Variants in ADGRL3 observed in about 807,000 individuals in gnomAD.
ADGRL3 encodes calcium-independent alpha-latrotoxin receptor 3.
A neutral mutation model predicts 153.5 loss-of-function variants in ADGRL3; 62 were observed. The observed-to-expected ratio is 0.40, with a 90% CI of 0.33 to 0.50. The LOEUF (loss-of-function observed/expected upper bound fraction) is 0.50, where lower values mean the gene tolerates loss of function less well. ADGRL3 is among the 20% of genes least tolerant of loss of function. The probability of loss-of-function intolerance (pLI) is 0.47; values close to 1 mark genes in which losing one functional copy is unlikely to be tolerated. For synonymous variants in ADGRL3, 710 were observed against 672.5 expected (o/e 1.06, Z -0.86); for missense variants, 1,641 against 1,859.4 (o/e 0.88, Z 2.16).
chr4:61,791,547 G>T (rs961526366), intron 8 of ADGRL3, among the ~76,000 whole-genome samples: 3 of 152,178 alleles, frequency 2.0e-5, no homozygotes, highest in Non-Finnish European at 2.9e-5. Context: ...CAGGTGCATG[G>T]TGCAAGATGT....
intron 4 of ADGRL3, among the ~76,000 whole-genome samples, chr4:61,531,310 C>A (rs556446219): frequency 6.6e-6 from 1 of 152,278 alleles, no homozygotes; most frequent in East Asian, 1.9e-4. Flanking sequence ...TTCGCCTAGT[C>A]TAACTTGCAT....
intron 15 of ADGRL3, among the ~76,000 whole-genome samples, chr4:61,939,287 G>A (rs2098860651): frequency 6.6e-6 from 1 of 152,124 alleles, no homozygotes; most frequent in Admixed American, 6.6e-5. Context: ...GCTTGAGGAA[G>A]CATTTAGCTT....
intron 5 of ADGRL3, among the ~76,000 whole-genome samples, chr4:61,669,113 A>G (rs1215436903): frequency 2.6e-5 from 4 of 152,192 alleles, no homozygotes; most frequent in Non-Finnish European, 5.9e-5. Flanking sequence ...ACGTCATTAA[A>G]CTTTTTAATA....
intron 25 of ADGRL3, among the ~76,000 whole-genome samples, chr4:62,065,167 G>A (rs1195766983): frequency 3.3e-5 from 5 of 151,946 alleles, no homozygotes; most frequent in Non-Finnish European, 2.9e-5. Context: ...GGTCTTTAGA[G>A]CAAAGAAGAG....
intron 2 of ADGRL3, among the ~76,000 whole-genome samples, chr4:61,473,752 A>G (rs545121155): frequency 1.3e-5 from 2 of 152,126 alleles, no homozygotes; most frequent in Non-Finnish European, 2.9e-5. Context: ...GCTTACTTCT[A>G]TCTGTGGGGC....
intron 25 of ADGRL3, among the ~76,000 whole-genome samples, chr4:62,066,404 A>ATG (rs1481448447): frequency 2.6e-5 from 4 of 152,058 alleles, no homozygotes; most frequent in Admixed American, 1.3e-4. Context: ...TATTTAAAAT[A>ATG]TGTAAAGATG....
chr4:61,349,842 T>C (rs1284033398), intron 1 of ADGRL3, among the ~76,000 whole-genome samples: 1 of 152,162 alleles, frequency 6.6e-6, no homozygotes, highest in African/African-American at 2.4e-5. Context: ...AAAATATTTG[T>C]TAAATGAATC....
At chr4:61,369,328 T>C (rs1196583900) in intron 1 of ADGRL3, among the ~76,000 whole-genome samples, 2 of 152,188 alleles carry the variant, frequency 1.3e-5, no homozygotes, top group Non-Finnish European at 1.5e-5. Flanking sequence ...GGGAATGCTT[T>C]CAGTTTTTGC....
intron 4 of ADGRL3, among the ~76,000 whole-genome samples, chr4:61,556,003 A>ATCTAAG (rs1431942348): frequency 6.6e-6 from 1 of 152,100 alleles, no homozygotes; most frequent in Non-Finnish European, 1.5e-5. Flanking sequence ...CTGTCCTCTT[A>ATCTAAG]TCTCATCCTG....
At chr4:62,042,744 A>G (rs1356561471) in intron 24 of ADGRL3, among the ~76,000 whole-genome samples, 3 of 152,104 alleles carry the variant, frequency 2.0e-5, no homozygotes, top group African/African-American at 7.2e-5. Flanking sequence ...AAATGGTATA[A>G]TTGGTAAAAA....
At chr4:62,036,645 C>A (rs1232788447) in intron 23 of ADGRL3, among the ~76,000 whole-genome samples, 1 of 151,918 alleles carries the variant, frequency 6.6e-6, no homozygotes, top group East Asian at 1.9e-4. Flanking sequence ...CTTTTTAAAG[C>A]ACATGTTCAA....
At chr4:61,278,237 G>T (rs2093567201) in intron 1 of ADGRL3, among the ~76,000 whole-genome samples, 1 of 152,014 alleles carries the variant, frequency 6.6e-6, no homozygotes, top group African/African-American at 2.4e-5. Flanking sequence ...CCTTTCATCT[G>T]CCCTTTCTCT....
At chr4:61,843,246 A>G (rs1253075259) in intron 9 of ADGRL3, among the ~76,000 whole-genome samples, 1 of 152,198 alleles carries the variant, frequency 6.6e-6, no homozygotes, top group Non-Finnish European at 1.5e-5. Flanking sequence ...ACTTATAGAT[A>G]TGCAAAAACC....
At chr4:61,963,301 G>C (rs1464841937) in intron 17 of ADGRL3, among the ~76,000 whole-genome samples, 5 of 151,460 alleles carry the variant, frequency 3.3e-5, no homozygotes, top group Admixed American at 3.3e-4. Context: ...TACATGTGCA[G>C]GTTTGTGACA....
At position 61,763,260 on chromosome 4, in the gene ADGRL3, T is replaced by C. The variant is rs1428481488; in HGVS notation, c.1399+29706T>C. 2.0e-5 allele frequency among the ~76,000 whole-genome samples: 3 copies of C among 151,356 alleles called. No individual in the cohort carries two copies. In the East Asian group the frequency reaches 5.8e-4, roughly 29 times the overall value. On this transcript the variant is annotated intron_variant, in intron 8 of 26. Transcript: ENST00000683033. ...TGGAGTGCAGTGGTGTTATCTTGGCTCACTGAAACCTCTGCCTCCCAGGTT... is the reference window on the plus strand; with the variant it reads ...TGGAGTGCAGTGGTGTTATCTTGGCCCACTGAAACCTCTGCCTCCCAGGTT...
chr4:61,291,578 ATAT>A (rs374471378), intron 1 of ADGRL3, among the ~76,000 whole-genome samples: 29 of 15,248 alleles, frequency 1.9e-3, no homozygotes, highest in Admixed American at 5.1e-3. Flanking sequence ...ATATATATAT[ATAT>A]ACATATATAT....
intron 4 of ADGRL3, among the ~76,000 whole-genome samples, chr4:61,547,741 A>G (rs916665678): frequency 3.3e-5 from 5 of 152,112 alleles, no homozygotes; most frequent in African/African-American, 9.7e-5. Flanking sequence ...TTACAGTAGA[A>G]CAATTTATAT....
At chr4:61,388,203 A>G (rs2096761952) in intron 2 of ADGRL3, among the ~76,000 whole-genome samples, 1 of 152,158 alleles carries the variant, frequency 6.6e-6, no homozygotes, top group Non-Finnish European at 1.5e-5. Flanking sequence ...TGGGCATGGT[A>G]TCTATCCTCT....
intron 1 of ADGRL3, among the ~76,000 whole-genome samples, chr4:61,298,870 C>T (rs1438761255): frequency 6.6e-6 from 1 of 152,008 alleles, no homozygotes; most frequent in Non-Finnish European, 1.5e-5. Context: ...TAAATGACTT[C>T]AAGTGATTTA....
Sources: allele counts gnomAD v4.1 joint callset (sites outside exome capture counted in the v4.1 genomes callset), GRCh38; gene constraint gnomAD v4.1.1; transcripts MANE v1.5; gene names NCBI Gene and HGNC (gene_info 2026-07-23, HGNC 2026-07-21).